SUSD5: variants seen among roughly 807,000 people sequenced by gnomAD.
SUSD5 encodes sushi domain containing 5.
SUSD5 carries 33 observed loss-of-function variants against 29.5 expected under a neutral mutation model. The ratio of observed to expected loss-of-function variants is 1.12; its 90% CI spans 0.85 to 1.49. SUSD5 has a LOEUF of 1.49. Among genes scored for constraint, SUSD5 ranks in the 40% most tolerant of loss-of-function variants. The probability of loss-of-function intolerance (pLI) is 0.00; values close to 1 mark genes in which losing one functional copy is unlikely to be tolerated. For missense variants in SUSD5, 776 were observed against 800.6 expected (o/e 0.97, Z 0.37); for synonymous variants, 308 against 325.3 (o/e 0.95, Z 0.57).
intron 1 of SUSD5, 56 bp from the exon 2 acceptor site, chr3:33,214,161 C>T (rs1040492155): frequency 4.0e-6 from 6 of 1,513,202 alleles, no homozygotes; most frequent in Non-Finnish European, 5.3e-6. Flanking sequence ...GGAAGTTAGT[C>T]TCAGCAAACA....
At position 33,150,454 on chromosome 3, in the gene SUSD5, C is replaced by G. The variant is rs552467422; in HGVS notation, c.*2288G>C. ...CCACAATAATAGTTGCTAACACAGT[C>G]CCAATGCTGAGACAGAGGTTATTTT... On this transcript the variant is annotated 3_prime_UTR_variant, in exon 5 of 5. Coordinates refer to ENST00000309558, the MANE Select transcript of SUSD5 (RefSeq NM_015551.2). 6.6e-6 allele frequency: 1 copy of G among 152,012 alleles called. No individual in the cohort carries two copies. Among genetic ancestry groups the G allele is most frequent in the Non-Finnish European group, 1.5e-5 (1 of 68,012 alleles). 9.4% of individuals were successfully genotyped at this position (152,012 alleles called of 1,614,324 possible). A position where few individuals can be genotyped will look rare whatever the true frequency, so the allele number is the denominator to read the frequency against.
chr3:33,178,192 T>A (rs138211649), intron 3 of SUSD5, among the ~76,000 whole-genome samples: 83 of 152,326 alleles, frequency 5.4e-4, no homozygotes, highest in African/African-American at 1.9e-3. Context: ...GGAGTTTTTA[T>A]CATGAATGGG....
intron 3 of SUSD5, among the ~76,000 whole-genome samples, chr3:33,194,752 A>C (rs2031963336): frequency 6.6e-6 from 1 of 152,232 alleles, no homozygotes; most frequent in Admixed American, 6.5e-5. Flanking sequence ...CCATGAGTGC[A>C]GATGATTTTG....
At chr3:33,185,479 A>T (rs1014144670) in intron 3 of SUSD5, among the ~76,000 whole-genome samples, 2 of 152,122 alleles carry the variant, frequency 1.3e-5, no homozygotes, top group African/African-American at 4.8e-5. Context: ...CATCAATTAC[A>T]GCTACGTTTT....
chr3:33,201,261 G>A (rs935134256), intron 3 of SUSD5, among the ~76,000 whole-genome samples: 1 of 152,134 alleles, frequency 6.6e-6, no homozygotes, highest in Non-Finnish European at 1.5e-5. Context: ...CCAGCCCTAG[G>A]CACACATGTA....
At chr3:33,176,650 A>AGG (rs1409898777) in intron 3 of SUSD5, among the ~76,000 whole-genome samples, 1 of 152,204 alleles carries the variant, frequency 6.6e-6, no homozygotes, top group Non-Finnish European at 1.5e-5. Context: ...TCATGCCTTT[A>AGG]GTCTAAGAAG....
At chr3:33,178,104 TTTTTG>T (rs2031589705) in intron 3 of SUSD5, among the ~76,000 whole-genome samples, 1 of 152,204 alleles carries the variant, frequency 6.6e-6, no homozygotes, top group Admixed American at 6.5e-5. Flanking sequence ...GCTGTAGGTT[TTTTTG>T]TTTTGTTTTT....
Position 33,153,816 on chromosome 3 carries a change from C to T in SUSD5, c.816G>A (p.Leu272=), listed in dbSNP as rs753784801. The change falls in exon 5 of 5, where the codon TTG becomes TTA. Residue 272 remains leucine (L), a synonymous_variant. Transcript: ENST00000309558. The part of the protein sequence containing the change: ...RDKVFVPTTG[L]PGAGSSVPAD... ...CGGGGACACTGCTCCCAGCACCAGG[C>T]AAGCCTGTGGTTGGCACAAAGACTT... The T allele has an allele frequency of 6.2e-7, 1 of 1,613,978 alleles. No individual in the cohort carries two copies.
At chr3:33,205,840 G>C (rs1047491339) in intron 3 of SUSD5, among the ~76,000 whole-genome samples, 2 of 152,216 alleles carry the variant, frequency 1.3e-5, no homozygotes, top group African/African-American at 4.8e-5. Context: ...AACCAAATTG[G>C]TGGTTTGCAA....
At chr3:33,186,521 G>C (rs376143282) in intron 3 of SUSD5, among the ~76,000 whole-genome samples, 3 of 150,642 alleles carry the variant, frequency 2.0e-5, no homozygotes, top group Non-Finnish European at 4.4e-5. Context: ...CCGCCTCCCC[G>C]GTTCAAGCGA....
At position 33,153,266 on chromosome 3, in the gene SUSD5, C is replaced by CG; in HGVS notation, c.1365dup (p.Glu456ArgfsTer3). On this transcript the variant is annotated frameshift_variant, in exon 5 of 5. Coordinates refer to ENST00000309558, the MANE Select transcript of SUSD5 (RefSeq NM_015551.2). LOFTEE classifies it low-confidence loss of function (END_TRUNC). ...TCACCATCCCCAATGCCCTCAGTCT[C>CG]GGAAGCATTCACGGGTCTGAGCGCC... 1 of 1,613,914 alleles carries CG rather than the reference C, an allele frequency of 6.2e-7. No homozygotes were observed. Among genetic ancestry groups the CG allele is most frequent in the Non-Finnish European group, 8.5e-7 (1 of 1,179,896 alleles).
rs544007153 is a variant in SUSD5 at position 33,175,627 on chromosome 3, CT to C, written c.410-554del. ...CATATATACAAATACATACATATTT[CT>C]TTTTTTTACATAAATGGGATTTATA... On this transcript the variant is annotated intron_variant, in intron 3 of 4. Coordinates refer to ENST00000309558, the MANE Select transcript of SUSD5 (RefSeq NM_015551.2). Among the ~76,000 whole-genome samples the C allele has an allele frequency of 3.6e-3, 550 of 151,782 alleles. 4 individuals are homozygous for C. The highest frequency in any genetic ancestry group is 4.9e-3 in the Non-Finnish European group (336 of 67,890).
intron 4 of SUSD5, among the ~76,000 whole-genome samples, chr3:33,165,744 C>T (rs1344467574): frequency 6.6e-6 from 1 of 152,140 alleles, no homozygotes; most frequent in Non-Finnish European, 1.5e-5. Flanking sequence ...CTTTGAGGGA[C>T]AGAAAATGTA....
chr3:33,218,579 G>T, intron 1 of SUSD5, 107 bp downstream of exon 1: 1 of 1,024,834 alleles, frequency 9.8e-7, no homozygotes, highest in Non-Finnish European at 1.3e-6. Flanking sequence ...TCAGGCTTGC[G>T]CTTGCCGCTT....
chr3:33,217,494 G>A (rs2032444777), intron 1 of SUSD5, among the ~76,000 whole-genome samples: 5 of 152,234 alleles, frequency 3.3e-5, no homozygotes, highest in Middle Eastern at 3.4e-3. Context: ...AAAAAAATTA[G>A]CAGTGGTTAC....
At chr3:33,171,084 G>A (rs887928220) in intron 4 of SUSD5, among the ~76,000 whole-genome samples, 25 of 152,228 alleles carry the variant, frequency 1.6e-4, no homozygotes, top group Non-Finnish European at 4.4e-5. Flanking sequence ...GCTCACACCT[G>A]CAATCCCAGC....
At chr3:33,212,758 C>T (rs992105748) in intron 2 of SUSD5, among the ~76,000 whole-genome samples, 4 of 152,168 alleles carry the variant, frequency 2.6e-5, no homozygotes, top group Non-Finnish European at 4.4e-5. Flanking sequence ...CATCTCAAGG[C>T]TACAAAAGTG....
chr3:33,217,258 T>C (rs894095103), intron 1 of SUSD5, among the ~76,000 whole-genome samples: 1 of 152,218 alleles, frequency 6.6e-6, no homozygotes, highest in Non-Finnish European at 1.5e-5. Flanking sequence ...CTACTTGCAT[T>C]CTTTAAAATC....
intron 4 of SUSD5, among the ~76,000 whole-genome samples, chr3:33,158,116 CA>C (rs1165553837): frequency 6.6e-6 from 1 of 152,202 alleles, no homozygotes; most frequent in Non-Finnish European, 1.5e-5. Flanking sequence ...AAGTCTGCAA[CA>C]GCTCAGATCC....
Sources: allele counts gnomAD v4.1 joint callset (sites outside exome capture counted in the v4.1 genomes callset), GRCh38; gene constraint gnomAD v4.1.1; transcripts MANE v1.5; gene names NCBI Gene and HGNC (gene_info 2026-07-23, HGNC 2026-07-21).